The following WWOX variants were observed in gnomAD, a reference collection of about 807,000 sequenced individuals.
The protein encoded by WWOX is WW domain containing oxidoreductase, also known as WW domain-containing oxidoreductase.
A neutral mutation model predicts 46.2 loss-of-function variants in WWOX; 69 were observed. The ratio of observed to expected loss-of-function variants is 1.49; its 90% CI spans 1.23 to 1.82. The LOEUF is 1.82. Ranked by LOEUF, WWOX falls within the 40% of genes most tolerant of loss-of-function variation. The pLI, the probability that WWOX is intolerant of heterozygous loss-of-function variation, is 0.00. For synonymous variants in WWOX, 359 were observed against 202.6 expected, an observed-to-expected ratio of 1.77 and a Z score of -6.56; for missense variants, 919 against 542.6, an observed-to-expected ratio of 1.69 and a Z score of -6.89.
In WWOX at chr16:78,600,498, T is replaced by G. The variant is rs139091181; in HGVS notation, c.1056+167746T>G. ...TCTTTCCCCCCAACCCTCCGTGGGT[T>G]AAAGCATCCATGTTTACAGAATGAA... On this transcript the variant is annotated intron_variant, in intron 8 of 8. Transcript: ENST00000566780. Among the ~76,000 whole-genome samples, 250 of 152,248 alleles carry G rather than the reference T, an allele frequency of 1.6e-3. 1 individual carries two copies. Among genetic ancestry groups the G allele is most frequent in the African/African-American group, 5.8e-3 (242 of 41,548 alleles).
chr16:78,923,313 C>A (rs542168741), intron 8 of WWOX, among the ~76,000 whole-genome samples: 1 of 152,044 alleles, frequency 6.6e-6, no homozygotes, highest in East Asian at 1.9e-4. Flanking sequence ...TTCTACCTTG[C>A]CCACCATGGC....
chr16:79,041,569 G>T (rs959493023), intron 8 of WWOX, among the ~76,000 whole-genome samples: 2 of 152,090 alleles, frequency 1.3e-5, no homozygotes, highest in Admixed American at 1.3e-4. Flanking sequence ...AGCCTATGAC[G>T]GGTGAATAAG....
rs5019006 is a variant in WWOX, at chr16:78,880,845, G to C, written c.1057-330763G>C. On this transcript the variant is annotated intron_variant, in intron 8 of 8. Coordinates refer to ENST00000566780, the MANE Select transcript of WWOX (RefSeq NM_016373.4). ...TGTTTCTAAGTTGGGATCAGTTCAC[G>C]ATTCAGAGAAATGCTCTGCCTTCTT... Among the ~76,000 whole-genome samples, 5 of 152,002 alleles carry C rather than the reference G, an allele frequency of 3.3e-5. No homozygotes were observed. In the East Asian group the frequency reaches 9.7e-4, roughly 29 times the overall value.
intron 8 of WWOX, among the ~76,000 whole-genome samples, chr16:78,575,021 A>AT (rs1237393767): frequency 8.6e-3 from 115 of 13,334 alleles, no homozygotes; most frequent in Non-Finnish European, 0.01. Context: ...ATATATATAT[A>AT]AATATATATA....
intron 5 of WWOX, among the ~76,000 whole-genome samples, chr16:78,257,381 T>C (rs914385977): frequency 1.3e-5 from 2 of 152,162 alleles, no homozygotes; most frequent in Admixed American, 6.5e-5. Flanking sequence ...GCAAACAGTA[T>C]TGATGGATTC....
intron 8 of WWOX, among the ~76,000 whole-genome samples, chr16:78,593,575 C>G (rs1347798357): frequency 6.6e-6 from 1 of 152,178 alleles, no homozygotes; most frequent in African/African-American, 2.4e-5. Context: ...ATATATCAAA[C>G]CAGGACAGTC....
At chr16:78,269,357 C>T (rs554250118) in intron 5 of WWOX, among the ~76,000 whole-genome samples, 1 of 152,142 alleles carries the variant, frequency 6.6e-6, no homozygotes, top group Non-Finnish European at 1.5e-5. Flanking sequence ...CAGAAAGGGA[C>T]GCAAAAGCTA....
chr16:78,995,697 A>G lies in WWOX; in HGVS notation c.1057-215911A>G, dbSNP rs182689660. ...CCAGCATTTGATTCTCAGGACTGGT[A>G]AAGTGTGAAGAACAGCAGTGACATT... On this transcript the variant is annotated intron_variant, in intron 8 of 8. Coordinates refer to ENST00000566780, the MANE Select transcript of WWOX (RefSeq NM_016373.4). Among the ~76,000 whole-genome samples, 49 of 152,346 alleles carry G rather than the reference A, an allele frequency of 3.2e-4. 1 individual carries two copies. The highest frequency in any genetic ancestry group is 6.0e-4 in the Non-Finnish European group (41 of 68,034).
At chr16:78,160,767 T>C (rs141804731) in intron 4 of WWOX, among the ~76,000 whole-genome samples, 23 of 152,326 alleles carry the variant, frequency 1.5e-4, no homozygotes, top group African/African-American at 4.1e-4. Flanking sequence ...TGCTGTTGCT[T>C]TCAGTGTTTA....
chr16:78,824,625 C>T (rs1428682046), intron 8 of WWOX, among the ~76,000 whole-genome samples: 1 of 152,126 alleles, frequency 6.6e-6, no homozygotes, highest in Non-Finnish European at 1.5e-5. Context: ...AAAGGCACTT[C>T]TTACACGGCA....
chr16:79,158,045 G>A (rs190600605), intron 8 of WWOX, among the ~76,000 whole-genome samples: 4 of 152,300 alleles, frequency 2.6e-5, no homozygotes, highest in East Asian at 1.9e-4. Flanking sequence ...GTTGTTTGCT[G>A]CCTCTAGGAA....
intron 8 of WWOX, among the ~76,000 whole-genome samples, chr16:78,910,136 C>G (rs898673063): frequency 8.6e-5 from 13 of 151,068 alleles, no homozygotes; most frequent in Non-Finnish European, 8.9e-5. Flanking sequence ...CTCGTCTGTC[C>G]TTCTGGGGAT....
At chr16:78,236,641 G>A (rs1245735798) in intron 5 of WWOX, among the ~76,000 whole-genome samples, 1 of 152,162 alleles carries the variant, frequency 6.6e-6, no homozygotes, top group South Asian at 2.1e-4. Context: ...GCTCAAGCAG[G>A]ATAAGACACT....
At chr16:78,288,392 C>T (rs557501467) in intron 5 of WWOX, among the ~76,000 whole-genome samples, 1 of 151,844 alleles carries the variant, frequency 6.6e-6, no homozygotes, top group Non-Finnish European at 1.5e-5. Flanking sequence ...AACATTAGAC[C>T]TATTCCTAGT....
intron 8 of WWOX, among the ~76,000 whole-genome samples, chr16:78,641,174 G>A (rs954871063): frequency 5.9e-5 from 9 of 152,008 alleles, no homozygotes; most frequent in East Asian, 3.9e-4. Context: ...AATGACCCCC[G>A]TTGACAACAA....
At chr16:78,630,623 G>T (rs2046406110) in intron 8 of WWOX, among the ~76,000 whole-genome samples, 1 of 152,150 alleles carries the variant, frequency 6.6e-6, no homozygotes, top group Admixed American at 6.5e-5. Context: ...TCTTGTACCT[G>T]GTTTTCTCCA....
At chr16:78,799,651 C>T (rs2050833347) in intron 8 of WWOX, among the ~76,000 whole-genome samples, 1 of 152,088 alleles carries the variant, frequency 6.6e-6, no homozygotes, top group African/African-American at 2.4e-5. Context: ...AGCTCATGTT[C>T]TGTGGCACTT....
chr16:79,085,560 T>G (rs2048838871), intron 8 of WWOX, among the ~76,000 whole-genome samples: 1 of 152,200 alleles, frequency 6.6e-6, no homozygotes, highest in South Asian at 2.1e-4. Context: ...AATGCAACTT[T>G]CTCAATAGGT....
chr16:78,451,612 A>T (rs932689599), intron 8 of WWOX, among the ~76,000 whole-genome samples: 4 of 152,100 alleles, frequency 2.6e-5, no homozygotes, highest in African/African-American at 9.7e-5. Flanking sequence ...TAAAATGGGG[A>T]AAGTAGCTCC....
Sources: gnomAD v4.1 joint callset for allele counts (sites outside exome capture counted in the v4.1 genomes callset) on GRCh38, gnomAD v4.1.1 for gene constraint, MANE v1.5 for transcripts, NCBI Gene and HGNC (gene_info 2026-07-23, HGNC 2026-07-21) for gene names.